DCLK2: variants seen among roughly 807,000 people sequenced by gnomAD.
DCLK2 encodes the protein serine/threonine-protein kinase DCLK2.
DCLK2 carries 31 observed loss-of-function variants against 78.4 expected under a neutral mutation model. The ratio of observed to expected loss-of-function variants is 0.40; its 90% CI spans 0.30 to 0.53. The LOEUF (loss-of-function observed/expected upper bound fraction) is 0.53, where lower values mean the gene tolerates loss of function less well. Among genes scored for constraint, DCLK2 ranks in the 20% least tolerant of loss-of-function variants. The pLI is 0.61. For missense variants in DCLK2, 872 were observed against 973.7 expected (o/e 0.90, Z 1.39); for synonymous variants, 407 against 374.9 (o/e 1.09, Z -0.99).
intron 6 of DCLK2, among the ~76,000 whole-genome samples, 160 bp downstream of exon 6, chr4:150,220,938 G>A (rs971724739): frequency 6.6e-6 from 1 of 152,182 alleles, no homozygotes; most frequent in African/African-American, 2.4e-5. Context: ...GGGGATGGGG[G>A]TTACTTCAAG....
chr4:150,206,180 TCACA>T (rs1273920818), intron 5 of DCLK2, among the ~76,000 whole-genome samples: 1 of 152,216 alleles, frequency 6.6e-6, no homozygotes, highest in African/African-American at 2.4e-5. Flanking sequence ...CACACCTGCC[TCACA>T]CATGCATGCA....
At chr4:150,092,916 C>G (rs1156372963) in intron 1 of DCLK2, among the ~76,000 whole-genome samples, 1 of 152,076 alleles carries the variant, frequency 6.6e-6, no homozygotes, top group East Asian at 1.9e-4. Context: ...CTTCATTCAA[C>G]CTAGTACTGG....
intron 2 of DCLK2, among the ~76,000 whole-genome samples, chr4:150,156,608 G>A (rs1735290310): frequency 2.0e-5 from 3 of 151,928 alleles, no homozygotes; most frequent in African/African-American, 7.2e-5. Context: ...GGTTGAGGCT[G>A]CAGTGAGCTA....
At chr4:150,137,993 A>G (rs1358865967) in intron 2 of DCLK2, among the ~76,000 whole-genome samples, 1 of 152,196 alleles carries the variant, frequency 6.6e-6, no homozygotes, top group Non-Finnish European at 1.5e-5. Context: ...TGGATTTTAA[A>G]ATAGAGAAAT....
intron 1 of DCLK2, among the ~76,000 whole-genome samples, chr4:150,080,286 T>C (rs746829786): frequency 2.0e-5 from 3 of 152,204 alleles, no homozygotes; most frequent in Admixed American, 6.5e-5. Context: ...TGGGGACTTA[T>C]TAAAAATTAG....
At chr4:150,092,419 C>T (rs1461712354) in intron 1 of DCLK2, among the ~76,000 whole-genome samples, 3 of 152,012 alleles carry the variant, frequency 2.0e-5, no homozygotes, top group Non-Finnish European at 4.4e-5. Context: ...TTTTACATTC[C>T]CACCAACAGT....
At chr4:150,085,141 G>T (rs1173629214) in intron 1 of DCLK2, among the ~76,000 whole-genome samples, 1 of 152,134 alleles carries the variant, frequency 6.6e-6, no homozygotes, top group Non-Finnish European at 1.5e-5. Flanking sequence ...GCTGGCACTT[G>T]AGCCCTTTCT....
At chr4:150,188,126 G>A (rs1738094233) in intron 2 of DCLK2, among the ~76,000 whole-genome samples, 1 of 152,122 alleles carries the variant, frequency 6.6e-6, no homozygotes, top group Non-Finnish European at 1.5e-5. Flanking sequence ...TCACTTTATA[G>A]CTGTCATTTC....
chr4:150,228,913 C>G (rs1316039520), intron 8 of DCLK2, among the ~76,000 whole-genome samples: 5 of 151,924 alleles, frequency 3.3e-5, no homozygotes, highest in Non-Finnish European at 7.4e-5. Context: ...GTAGTCCCAG[C>G]TACTCGGGAG....
chr4:150,219,293 A>G (rs765459007), intron 5 of DCLK2, among the ~76,000 whole-genome samples: 74 of 102,960 alleles, frequency 7.2e-4, no homozygotes, highest in Non-Finnish European at 1.2e-3. Flanking sequence ...TTTAAGAAGG[A>G]GTTTCGCTCT....
intron 1 of DCLK2, among the ~76,000 whole-genome samples, chr4:150,096,960 A>G (rs768658026): frequency 2.6e-5 from 4 of 152,094 alleles, no homozygotes; most frequent in Non-Finnish European, 5.9e-5. Flanking sequence ...GTATAATCCT[A>G]TAAAGAGGGC....
chr4:150,234,680 C>G (rs1265360407), intron 10 of DCLK2, among the ~76,000 whole-genome samples: 1 of 150,918 alleles, frequency 6.6e-6, no homozygotes, highest in African/African-American at 2.4e-5. Context: ...ATCTCACTGT[C>G]TTCTGCCTTG....
intron 2 of DCLK2, among the ~76,000 whole-genome samples, chr4:150,123,095 A>G (rs550462778): frequency 8.5e-5 from 13 of 152,310 alleles, no homozygotes; most frequent in Admixed American, 3.3e-4. Flanking sequence ...ATGCCTTTTA[A>G]TTCATGTGAT....
intron 5 of DCLK2, among the ~76,000 whole-genome samples, chr4:150,206,756 G>T (rs1057382018): frequency 6.8e-6 from 1 of 147,578 alleles, no homozygotes; most frequent in African/African-American, 2.7e-5. Context: ...CAGCTTTTAG[G>T]CCACAATCCC....
chr4:150,190,299 G>GCAGACAGA (rs141112179), intron 2 of DCLK2, among the ~76,000 whole-genome samples: 14 of 133,976 alleles, frequency 1.0e-4, no homozygotes, highest in Admixed American at 6.5e-4. Flanking sequence ...AGATAGATAG[G>GCAGACAGA]CAGACAGACA....
At chr4:150,250,707 C>G (rs1052791197) in intron 15 of DCLK2, among the ~76,000 whole-genome samples, 1 of 151,750 alleles carries the variant, frequency 6.6e-6, no homozygotes, top group Non-Finnish European at 1.5e-5. Flanking sequence ...ACAGGCCTCT[C>G]ATCCTCTGGG....
intron 2 of DCLK2, among the ~76,000 whole-genome samples, chr4:150,138,992 TTA>T (rs967100439): frequency 2.5e-4 from 32 of 128,328 alleles, no homozygotes; most frequent in Non-Finnish European, 3.5e-4. Flanking sequence ...GTTTTTAAAT[TTA>T]AAAAAAAAAA....
chr4:150,221,927 G>T (rs1741215452), intron 7 of DCLK2, 142 bp downstream of exon 7: 2 of 497,248 alleles, frequency 4.0e-6, no homozygotes, highest in South Asian at 3.8e-5. Context: ...TTTTCCCTGA[G>T]TCTGCCCTTG....
Position 150,203,828 on chromosome 4 carries a change from C to T in DCLK2, c.995C>T (p.Pro332Leu). The T allele has an allele frequency of 1.7e-5, 27 of 1,614,016 alleles. No homozygotes were observed. Among genetic ancestry groups the T allele is most frequent in the Non-Finnish European group, 2.3e-5 (27 of 1,179,954 alleles). The change falls in exon 5 of 16, where the codon CCT becomes CTT. Residue 332 changes from proline to leucine, a missense_variant. Physicochemically the swap from Pro to Leu is moderately conservative, Grantham distance 98. Transcript: ENST00000296550. ...NGTPSSQLST[P>L]KSTKSSSSSP... ...ACTCCCAGCAGCCAACTTTCTACTC[C>T]TAAATCTACGAAATCCTCCAGTTCC...
Sources: gnomAD v4.1 joint callset for allele counts (sites outside exome capture counted in the v4.1 genomes callset) on GRCh38, gnomAD v4.1.1 for gene constraint, MANE v1.5 for transcripts, NCBI Gene and HGNC (gene_info 2026-07-23, HGNC 2026-07-21) for gene names.